Variants in MYO9B observed in about 807,000 individuals in gnomAD.
The protein encoded by MYO9B is unconventional myosin-IXb.
Under a neutral mutation model 229.5 loss-of-function variants are expected in MYO9B, and 71 were observed. The observed-to-expected ratio is 0.31, with a 90% CI of 0.26 to 0.38. The LOEUF is 0.38. Ranked by LOEUF, MYO9B falls within the 10% of genes least tolerant of loss-of-function variation. The pLI is 1.00. For synonymous variants in MYO9B, 1,185 were observed against 1,235.8 expected, an observed-to-expected ratio of 0.96 and a Z score of 0.86; for missense variants, 2,255 against 2,920.5, an observed-to-expected ratio of 0.77 and a Z score of 5.25.
At chr19:17,131,257 T>C (rs770260713) in intron 2 of MYO9B, among the ~76,000 whole-genome samples, 1 of 152,216 alleles carries the variant, frequency 6.6e-6, no homozygotes, top group Non-Finnish European at 1.5e-5. Flanking sequence ...TGCCCATGTG[T>C]TAATGAGTAC....
At chr19:17,126,913 C>T (rs2072126356) in intron 2 of MYO9B, among the ~76,000 whole-genome samples, 2 of 82,598 alleles carry the variant, frequency 2.4e-5, no homozygotes, top group East Asian at 1.2e-3. Flanking sequence ...CCACCCCCAC[C>T]CCCACCCCCA....
At position 17,077,518 on chromosome 19, in the gene MYO9B, C is replaced by T. The variant is rs532280684; in HGVS notation, c.-59+1644C>T. Among the ~76,000 whole-genome samples the T allele has an allele frequency of 5.3e-5, 8 of 152,312 alleles. No individual in the cohort carries two copies. In the East Asian group the frequency reaches 1.5e-3, roughly 29 times the overall value. On this transcript the variant is annotated intron_variant, in intron 1 of 39. Transcript: ENST00000682292. The stretch of plus-strand genomic sequence containing the variant: ...GGACCGGGATCTTCTGATCCCGCAG[C>T]CCTGCAATCGCCTCTTCCCTGCCGC...
chr19:17,108,695 C>T (rs2057816999), intron 2 of MYO9B, among the ~76,000 whole-genome samples: 1 of 152,128 alleles, frequency 6.6e-6, no homozygotes, highest in African/African-American at 2.4e-5. Flanking sequence ...TCTTTCTGTT[C>T]TGTGCTAACT....
chr19:17,112,837 C>T (rs1184497470), intron 2 of MYO9B, among the ~76,000 whole-genome samples: 3 of 152,244 alleles, frequency 2.0e-5, no homozygotes, highest in Non-Finnish European at 4.4e-5. Context: ...GCCAGGCACT[C>T]ACCCAGCCCT....
intron 36 of MYO9B, 90 bp downstream of exon 36, chr19:17,209,799 A>T (rs745752882): frequency 2.7e-4 from 406 of 1,493,196 alleles, no homozygotes; most frequent in Non-Finnish European, 3.5e-4. Context: ...TGTTGCTGGG[A>T]AGGCTGGTGA....
intron 21 of MYO9B, among the ~76,000 whole-genome samples, chr19:17,194,289 CCA>C (rs1315922749): frequency 6.6e-6 from 1 of 152,150 alleles, no homozygotes; most frequent in Non-Finnish European, 1.5e-5. Context: ...TAGAACCCAC[CCA>C]CCACAGCCCC....
At position 17,172,573 on chromosome 19, in the gene MYO9B, A is replaced by G. The variant is rs978677253; in HGVS notation, c.1935+96A>G. Reference sequence around the variant, plus strand: ...AGGATCCTCCTGTGGGCGAGGTTCCAGGGTGCTCAGAACCCACCGCGAATC... The same window carrying G: ...AGGATCCTCCTGTGGGCGAGGTTCCGGGGTGCTCAGAACCCACCGCGAATC... On this transcript the variant is annotated intron_variant, in intron 12 of 39. Transcript: ENST00000682292. The surrounding 1 kb of genome is among the most constrained non-coding windows in gnomAD (Gnocchi z 8.2). The G allele has an allele frequency of 3.3e-6, 5 of 1,536,716 alleles. No homozygotes were observed. The highest frequency in any genetic ancestry group is 4.7e-5 in the East Asian group (2 of 42,412).
chr19:17,091,899 G>A (rs1009817136), intron 1 of MYO9B, among the ~76,000 whole-genome samples: 1 of 152,158 alleles, frequency 6.6e-6, no homozygotes, highest in African/African-American at 2.4e-5. Context: ...TCTGAGAGTG[G>A]GGTTTCCTGA....
chr19:17,123,424 TTGTG>T (rs3222984), intron 2 of MYO9B, among the ~76,000 whole-genome samples: 11,771 of 146,868 alleles, frequency 0.08, 547 homozygotes, highest in South Asian at 0.16. Flanking sequence ...CAGTAGAAAT[TTGTG>T]TGTGTGTGTG....
chr19:17,133,301 TTC>T (rs2072226074), intron 2 of MYO9B, among the ~76,000 whole-genome samples: 1 of 152,196 alleles, frequency 6.6e-6, no homozygotes, highest in Admixed American at 6.6e-5. Flanking sequence ...ACTTAAAATC[TTC>T]TCTCTTAGGA....
Position 17,192,912 on chromosome 19 carries a change from A to C in MYO9B, c.2978A>C (p.Tyr993Ser), listed in dbSNP as rs539852694. 6.5e-7 allele frequency: 1 copy of C among 1,549,894 alleles called. No homozygotes were observed. Among genetic ancestry groups the C allele is most frequent in the South Asian group, 1.2e-5 (1 of 84,046 alleles). ...ACCATCCAGGCCTGCTGGCGGTCCT[A>C]CCGGGTCCGGAGGGCGCTGGAGAGG... ...AVTIQACWRS[Y>S]RVRRALERTQ... The change falls in exon 21 of 40, where the codon TAC (tyrosine) becomes TCC (serine). Residue 993 changes from tyrosine to serine, a missense_variant. By Grantham distance (144) the Tyr-to-Ser change is moderately radical (BLOSUM62 -2). Around this residue, in one of 7 missense-constraint regions of MYO9B, gnomAD observed 679 missense variants for 770.2 expected, o/e 0.88. Transcript: ENST00000682292.
intron 10 of MYO9B, among the ~76,000 whole-genome samples, chr19:17,163,599 C>T (rs541438851): frequency 1.3e-5 from 2 of 152,206 alleles, no homozygotes; most frequent in African/African-American, 4.8e-5. Context: ...AACTCCTGAG[C>T]TCAGGCAATC....
chr19:17,078,135 A>G (rs906280721), intron 1 of MYO9B, among the ~76,000 whole-genome samples: 1 of 152,152 alleles, frequency 6.6e-6, no homozygotes, highest in African/African-American at 2.4e-5. Flanking sequence ...CAGTTAGGCA[A>G]GGGTTGATTG....
rs1460176359 is a variant in MYO9B at position 17,101,452 on chromosome 19, C to T, written c.-58-208C>T. Among the ~76,000 whole-genome samples, 1 of 152,126 alleles carries T rather than the reference C, an allele frequency of 6.6e-6. No individual in the cohort carries two copies. The highest frequency in any genetic ancestry group is 1.9e-4 in the East Asian group (1 of 5,166). ...AAAGTGTTGGGATTATAAGCATGAG[C>T]CACTGCAGGAGCCTGAGGTCACATT... is the stretch of plus-strand genomic sequence containing the variant. On this transcript the variant is annotated intron_variant, in intron 1 of 39. Transcript: ENST00000682292. This position sits in a 1 kb window ranked among gnomAD's most constrained non-coding sequence, Gnocchi z 4.7.
At chr19:17,154,444 C>A in intron 6 of MYO9B, 29 bp downstream of exon 6, 1 of 1,572,234 alleles carries the variant, frequency 6.4e-7, no homozygotes, top group South Asian at 1.1e-5. Context: ...GGGGCCTGTC[C>A]CCCAGAGCCT....
chr19:17,103,969 T>A (rs768441580), intron 2 of MYO9B, among the ~76,000 whole-genome samples: 9 of 150,774 alleles, frequency 6.0e-5, no homozygotes, highest in Non-Finnish European at 1.0e-4. Flanking sequence ...GGCAGGAGAA[T>A]CGCTTGAACC....
At chr19:17,150,168 T>C (rs2072461274) in intron 3 of MYO9B, among the ~76,000 whole-genome samples, 1 of 152,060 alleles carries the variant, frequency 6.6e-6, no homozygotes, top group Non-Finnish European at 1.5e-5. Context: ...CCCAGCACTT[T>C]GGGGGAGTGA....
intron 20 of MYO9B, 28 bp from the exon 21 acceptor site, chr19:17,192,718 T>C: frequency 4.0e-6 from 6 of 1,494,272 alleles, no homozygotes; most frequent in Non-Finnish European, 4.5e-6. Context: ...GCAGTGCAGC[T>C]GACCCCACCT....
chr19:17,098,074 C>A (rs1443800542), intron 1 of MYO9B, among the ~76,000 whole-genome samples: 1 of 144,100 alleles, frequency 6.9e-6, no homozygotes, highest in African/African-American at 2.6e-5. Flanking sequence ...TTTTTCTTCA[C>A]GATGGAGTCT....
Sources: gnomAD v4.1 joint callset for allele counts (sites outside exome capture counted in the v4.1 genomes callset) on GRCh38, gnomAD v4.1.1 for gene constraint, gnomAD v4.1.1 regional missense constraint, Gnocchi (gnomAD v3.1) non-coding constraint, MANE v1.5 for transcripts, NCBI Gene and HGNC (gene_info 2026-07-23, HGNC 2026-07-21) for gene names.